RGS22: variants seen among roughly 807,000 people sequenced by gnomAD.
RGS22 encodes regulator of G protein signaling 22, also known as regulator of G-protein signaling 22.
Under a neutral mutation model 172.9 loss-of-function variants are expected in RGS22, and 148 were observed. That is an observed-to-expected ratio of 0.86 (90% confidence interval 0.75 to 0.98). RGS22 has a LOEUF of 0.98. RGS22 is among the 50% of genes least tolerant of loss of function. The pLI is 0.00. For synonymous variants in RGS22, 458 were observed against 480.2 expected (o/e 0.95, Z 0.60); for missense variants, 1,347 against 1,440.8 (o/e 0.93, Z 1.05).
chr8:100,033,661 C>A (rs115613873), intron 14 of RGS22, among the ~76,000 whole-genome samples: 1,865 of 151,018 alleles, frequency 0.012, 32 homozygotes, highest in African/African-American at 0.039. Flanking sequence ...GGGAATCCTC[C>A]CAAAAAAAGA....
chr8:100,083,434 C>T (rs1811912108), intron 3 of RGS22, among the ~76,000 whole-genome samples: 1 of 152,104 alleles, frequency 6.6e-6, no homozygotes, highest in South Asian at 2.1e-4. Context: ...GTGGCGTGAT[C>T]TCGGCTCACT....
At chr8:100,040,194 T>TG in intron 12 of RGS22, 107 bp from the exon 13 acceptor site, 1 of 965,576 alleles carries the variant, frequency 1.0e-6, no homozygotes, top group South Asian at 1.6e-5. Context: ...ATTTTCCCAC[T>TG]GGACTATTTT....
intron 11 of RGS22, among the ~76,000 whole-genome samples, chr8:100,045,391 T>C (rs1451084582): frequency 6.6e-6 from 1 of 152,164 alleles, no homozygotes; most frequent in Non-Finnish European, 1.5e-5. Context: ...GCACCCCAAA[T>C]TAAAATCATC....
intron 27 of RGS22, 146 bp from the exon 28 acceptor site, chr8:99,961,342 A>T (rs896135167): frequency 2.8e-6 from 1 of 351,436 alleles, no homozygotes; most frequent in East Asian, 7.7e-5. Context: ...TGTAGTTCCC[A>T]TAATTCCCAC....
chr8:100,014,624 C>T (rs1350230655), intron 14 of RGS22, among the ~76,000 whole-genome samples: 1 of 152,148 alleles, frequency 6.6e-6, no homozygotes, highest in Non-Finnish European at 1.5e-5. Flanking sequence ...TCTCTTGATT[C>T]TATGCCAATT....
intron 22 of RGS22, 43 bp downstream of exon 22, chr8:99,981,894 A>G: frequency 6.5e-7 from 1 of 1,530,878 alleles, no homozygotes; most frequent in South Asian, 1.2e-5. Context: ...AGGATTGTCA[A>G]TCTATTTTAA....
chr8:100,008,043 AT>A (rs986333053), intron 15 of RGS22, among the ~76,000 whole-genome samples: 73 of 144,410 alleles, frequency 5.1e-4, no homozygotes, highest in East Asian at 8.0e-4. Context: ...TTATTTTTTA[AT>A]TTTTTTTTTT....
At chr8:100,015,680 A>G (rs1230435515) in intron 14 of RGS22, among the ~76,000 whole-genome samples, 1 of 152,168 alleles carries the variant, frequency 6.6e-6, no homozygotes, top group African/African-American at 2.4e-5. Flanking sequence ...TGCAAATCCT[A>G]TGAATTTAAT....
rs1184226955 is a variant in RGS22, at chr8:99,980,535, A to G, written c.3360+1402T>C. ...AGATCTGTGGCTTGTATCCTGGGGT[A>G]GGAGGCAATGCCATTCTCTAAACTT... On this transcript the variant is annotated intron_variant, in intron 22 of 27. Coordinates refer to ENST00000360863, the MANE Select transcript of RGS22 (RefSeq NM_015668.5). Among the ~76,000 whole-genome samples the G allele has an allele frequency of 2.0e-5, 3 of 152,232 alleles. No homozygotes were observed. The East Asian group carries it at 5.8e-4, about 29-fold the overall frequency.
In RGS22 at chr8:100,102,476, CAG is replaced by C. The variant is rs578050016; in HGVS notation, c.54+2896_54+2897del. On this transcript the variant is annotated intron_variant, in intron 2 of 27. Transcript: ENST00000360863. The stretch of plus-strand genomic sequence containing the variant: ...ACAATACTTTCACACTTTTGAAAAA[CAG>C]GGGTAAATACATGTGCAAGACATGT... Among the ~76,000 whole-genome samples the C allele has an allele frequency of 5.5e-4, 83 of 152,260 alleles. 1 individual carries two copies. The highest frequency in any genetic ancestry group is 3.6e-3 in the Admixed American group (55 of 15,296).
In RGS22 at chr8:100,045,817, A is replaced by G. The variant is rs190152178; in HGVS notation, c.1823+1646T>C. On this transcript the variant is annotated intron_variant, in intron 11 of 27. Transcript: ENST00000360863. The stretch of plus-strand genomic sequence containing the variant: ...GCCTGTATGTCCTTTCACTTGTTTC[A>G]TCACCTGAAAAATGAAGATAATGTT... 3.5e-3 allele frequency among the ~76,000 whole-genome samples: 533 copies of G among 151,642 alleles called. 2 individuals carry two copies. The highest frequency in any genetic ancestry group is 0.012 in the African/African-American group (493 of 41,420).
In RGS22 at chr8:99,996,474, G is replaced by T. The variant is rs761978761; in HGVS notation, c.3006C>A (p.Ile1002=). ...AAACATTACTTGCCTTCCAGACCCC[G>T]ATTTTCTTTTCAGCCTTCTGTAGTA... The part of the protein sequence containing the change: ...ELLLQKAEKK[I]GVWKPVESKW... Residue 1002 remains isoleucine, a synonymous_variant, in exon 20 of 28, where the codon ATC becomes ATA. Coordinates refer to ENST00000360863, the MANE Select transcript of RGS22 (RefSeq NM_015668.5). The T allele has an allele frequency of 3.1e-6, 5 of 1,613,124 alleles. No homozygotes were observed. Among genetic ancestry groups the T allele is most frequent in the Non-Finnish European group, 4.2e-6 (5 of 1,179,378 alleles).
rs866703806 is a variant in RGS22 at position 100,068,942 on chromosome 8, A to T, written c.594+2427T>A. ...AAAGTGAGACCCTGTCTCAAAAAAAAAAAAAAAGAAAGAAGAAAAAATACT... is the reference window on the plus strand; with the variant it reads ...AAAGTGAGACCCTGTCTCAAAAAAATAAAAAAAGAAAGAAGAAAAAATACT... On this transcript the variant is annotated intron_variant, in intron 6 of 27. Coordinates refer to ENST00000360863, the MANE Select transcript of RGS22 (RefSeq NM_015668.5). Among the ~76,000 whole-genome samples the T allele has an allele frequency of 1.2e-3, 118 of 100,344 alleles. 1 individual carries two copies. Among genetic ancestry groups the T allele is most frequent in the Admixed American group, 7.2e-3 (68 of 9,414 alleles). The allele number at this position is 100,344 out of a possible 152,430, so 65.8% of individuals were successfully genotyped here.
chr8:100,051,473 T>TTA (rs1266597200), intron 10 of RGS22, among the ~76,000 whole-genome samples: 1 of 100,754 alleles, frequency 9.9e-6, no homozygotes, highest in Admixed American at 1.5e-4. Flanking sequence ...TAAATATATA[T>TTA]TATATATATT....
intron 20 of RGS22, among the ~76,000 whole-genome samples, chr8:99,988,445 G>T (rs1048452283): frequency 1.3e-5 from 2 of 152,106 alleles, no homozygotes; most frequent in African/African-American, 4.8e-5. Flanking sequence ...GAAAACATAA[G>T]AAATCGATTT....
chr8:99,969,957 T>C (rs1423893841), intron 23 of RGS22, among the ~76,000 whole-genome samples: 3 of 152,196 alleles, frequency 2.0e-5, no homozygotes, highest in Admixed American at 6.5e-5. Context: ...TAGCACTTAT[T>C]CTAAAATCAA....
At chr8:99,966,551 A>C (rs1810753805) in intron 23 of RGS22, among the ~76,000 whole-genome samples, 1 of 152,344 alleles carries the variant, frequency 6.6e-6, no homozygotes, top group East Asian at 1.9e-4. Context: ...AATTAATACA[A>C]ATCTTTAAGA....
chr8:100,018,597 CATCTTCAAGGAA>C (rs978113449), intron 14 of RGS22, among the ~76,000 whole-genome samples: 25 of 152,282 alleles, frequency 1.6e-4, no homozygotes, highest in African/African-American at 6.0e-4. Context: ...TTCCTGTTTG[CATCTTCAAGGAA>C]ATCTCAGCTG....
chr8:100,016,931 TTAA>T (rs1038029753), intron 14 of RGS22, among the ~76,000 whole-genome samples: 7 of 143,754 alleles, frequency 4.9e-5, no homozygotes, highest in African/African-American at 5.1e-5. Context: ...TAAATAAATA[TTAA>T]TAATAATAAT....
Sources: gnomAD v4.1 joint callset for allele counts (sites outside exome capture counted in the v4.1 genomes callset) on GRCh38, gnomAD v4.1.1 for gene constraint, MANE v1.5 for transcripts, NCBI Gene and HGNC (gene_info 2026-07-23, HGNC 2026-07-21) for gene names.